Variants in ABCA13 observed in about 807,000 individuals in gnomAD.
ABCA13 encodes ATP binding cassette subfamily A member 13, also known as ATP-binding cassette sub-family A member 13.
Under a neutral mutation model 478.7 loss-of-function variants are expected in ABCA13, and 476 were observed. That is an observed-to-expected ratio of 0.99 (90% CI 0.92 to 1.07). ABCA13 has a LOEUF of 1.07. Ranked by LOEUF, ABCA13 falls within the 50% of genes least tolerant of loss-of-function variation. The pLI, the probability that ABCA13 is intolerant of heterozygous loss-of-function variation, is 0.00. For synonymous variants in ABCA13, 2,252 were observed against 2,158.9 expected, an observed-to-expected ratio of 1.04 and a Z score of -1.20; for missense variants, 6,060 against 5,910.6, an observed-to-expected ratio of 1.03 and a Z score of -0.83.
chr7:48,294,705 C>T (rs1247415527), intron 20 of ABCA13, among the ~76,000 whole-genome samples: 1 of 151,984 alleles, frequency 6.6e-6, no homozygotes, highest in Non-Finnish European at 1.5e-5. Context: ...CTCGGCCTCC[C>T]AAAGTGCTGG....
intron 54 of ABCA13, among the ~76,000 whole-genome samples, chr7:48,526,608 A>G (rs1428206091): frequency 6.6e-6 from 1 of 152,200 alleles, no homozygotes; most frequent in Non-Finnish European, 1.5e-5. Context: ...CCTACGACAC[A>G]CCTAGGCTGT....
At chr7:48,446,276 T>TTAGA (rs1824287952) in intron 42 of ABCA13, among the ~76,000 whole-genome samples, 1 of 152,062 alleles carries the variant, frequency 6.6e-6, no homozygotes, top group South Asian at 2.1e-4. Context: ...AAACATCCTG[T>TTAGA]TAGAGTATCT....
intron 50 of ABCA13, among the ~76,000 whole-genome samples, chr7:48,509,074 G>A (rs1831455954): frequency 6.6e-6 from 1 of 152,106 alleles, no homozygotes; most frequent in South Asian, 2.1e-4. Flanking sequence ...ATTCCCAAGG[G>A]CCTATCCTTC....
intron 5 of ABCA13, 27 bp from the exon 6 acceptor site, chr7:48,227,235 C>T: frequency 6.2e-7 from 1 of 1,609,586 alleles, no homozygotes. Context: ...CAGAGGGAAA[C>T]TTTTGGTGTA....
intron 18 of ABCA13, among the ~76,000 whole-genome samples, chr7:48,280,370 CT>C (rs1935177823): frequency 6.6e-6 from 1 of 152,144 alleles, no homozygotes; most frequent in Non-Finnish European, 1.5e-5. Context: ...GGCTTCTGCC[CT>C]TTTTTGATTC....
chr7:48,510,899 TG>T (rs895234224), intron 50 of ABCA13, among the ~76,000 whole-genome samples, 184 bp from the exon 51 acceptor site: 1 of 150,496 alleles, frequency 6.6e-6, no homozygotes, highest in Admixed American at 6.7e-5. Flanking sequence ...GTATAAATTG[TG>T]GGGGGGTACA....
At chr7:48,554,878 A>G (rs907356256) in intron 55 of ABCA13, among the ~76,000 whole-genome samples, 6 of 151,024 alleles carry the variant, frequency 4.0e-5, no homozygotes, top group Non-Finnish European at 7.4e-5. Flanking sequence ...TTCCAGTACT[A>G]TGTTAAATAA....
intron 16 of ABCA13, among the ~76,000 whole-genome samples, chr7:48,269,886 G>A (rs900227258): frequency 1.3e-5 from 2 of 152,148 alleles, no homozygotes; most frequent in African/African-American, 2.4e-5. Context: ...CTTAAGCCCA[G>A]CTATTAGTAG....
intron 15 of ABCA13, among the ~76,000 whole-genome samples, chr7:48,253,507 C>T (rs2049513): frequency 0.17 from 25,795 of 152,082 alleles, 2,578 homozygotes; most frequent in African/African-American, 0.28. Context: ...AGGGATTTAC[C>T]TGGTTGTTGC....
intron 3 of ABCA13, among the ~76,000 whole-genome samples, chr7:48,202,182 G>C (rs140159575): frequency 0.2 from 30,896 of 151,626 alleles, 3,387 homozygotes; most frequent in Middle Eastern, 0.26. Context: ...CTAGTGGCTT[G>C]CCGCTGCTGG....
Position 48,497,180 on chromosome 7 carries a change from G to A in ABCA13, c.13291+7836G>A, listed in dbSNP as rs184299217. Among the ~76,000 whole-genome samples the A allele has an allele frequency of 4.0e-4, 61 of 151,652 alleles. 1 individual carries two copies. Among genetic ancestry groups the A allele is most frequent in the African/African-American group, 1.4e-3 (59 of 41,376 alleles). ...GGATAAGTTTTATTTTTTTCATCTC[G>A]AGTCCATGCAGTCTCTTCTTTTTTA... is the stretch of plus-strand genomic sequence containing the variant. On this transcript the variant is annotated intron_variant, in intron 48 of 61. Transcript: ENST00000435803.
intron 18 of ABCA13, 121 bp downstream of exon 18, chr7:48,280,041 A>G: frequency 9.0e-7 from 1 of 1,113,456 alleles, no homozygotes; most frequent in Non-Finnish European, 1.2e-6. Flanking sequence ...CTTTGTTTAC[A>G]CTCTGAAGTT....
At chr7:48,226,382 C>T (rs1029462779) in intron 5 of ABCA13, among the ~76,000 whole-genome samples, 1 of 152,118 alleles carries the variant, frequency 6.6e-6, no homozygotes, top group African/African-American at 2.4e-5. Context: ...GTTCTGAGAC[C>T]CTCTTTTCAT....
chr7:48,618,825 G>T (rs1301418036), intron 59 of ABCA13, among the ~76,000 whole-genome samples: 1 of 152,154 alleles, frequency 6.6e-6, no homozygotes, highest in Non-Finnish European at 1.5e-5. Flanking sequence ...TGTGCTCTGG[G>T]TCAGCTGGTT....
At chr7:48,644,529 T>C in intron 60 of ABCA13, 88 bp from the exon 61 acceptor site, 1 of 1,386,440 alleles carries the variant, frequency 7.2e-7, no homozygotes. Flanking sequence ...CGTAACTGAA[T>C]TTTTTTGCCA....
rs762017956 is a variant in ABCA13, at chr7:48,643,364, A to G, written c.14914A>G (p.Lys4972Glu). 9.3e-6 allele frequency: 15 copies of G among 1,613,542 alleles called. No individual in the cohort carries two copies. In the African/African-American group the frequency reaches 2.0e-4, roughly 22 times the overall value. The part of the protein sequence containing the change: ...NQHCTVSDHL[K>E]LYFPGIQFKG... ...ACATTGCACTGTTTCTGACCACTTGAAGCTTTATTTTCCAGGAATTCAGTT... is the reference window on the plus strand; with the variant it reads ...ACATTGCACTGTTTCTGACCACTTGGAGCTTTATTTTCCAGGAATTCAGTT... The change falls in exon 60 of 62, where the codon AAG (lysine) becomes GAG (glutamate). Residue 4972 changes from lysine (K) to glutamate (E), a missense_variant. Lys to Glu is a moderately conservative substitution (Grantham distance 56). This residue lies in a region of ABCA13 where 1,627 missense variants were observed against 1,571.0 expected (regional missense o/e 1.04). Coordinates refer to ENST00000435803, the MANE Select transcript of ABCA13 (RefSeq NM_152701.5).
At chr7:48,345,583 A>G (rs1001512939) in intron 29 of ABCA13, among the ~76,000 whole-genome samples, 3 of 152,216 alleles carry the variant, frequency 2.0e-5, no homozygotes, top group Non-Finnish European at 4.4e-5. Context: ...ATAAGGATGT[A>G]AAGAAAATAT....
chr7:48,633,253 A>G (rs575003486), intron 59 of ABCA13, among the ~76,000 whole-genome samples: 21 of 152,312 alleles, frequency 1.4e-4, no homozygotes, highest in African/African-American at 4.6e-4. Flanking sequence ...GGAATGACCA[A>G]AGGCACTCAA....
At chr7:48,318,532 G>A (rs1450747450) in intron 27 of ABCA13, among the ~76,000 whole-genome samples, 1 of 148,712 alleles carries the variant, frequency 6.7e-6, no homozygotes, top group Non-Finnish European at 1.5e-5. Flanking sequence ...TTTTGTAGAG[G>A]CATAGTCTTG....
Sources: allele counts gnomAD v4.1 joint callset (sites outside exome capture counted in the v4.1 genomes callset), GRCh38; gene constraint gnomAD v4.1.1; regional missense constraint gnomAD v4.1.1; transcripts MANE v1.5; gene names NCBI Gene and HGNC (gene_info 2026-07-23, HGNC 2026-07-21).